Variants in HDGFL3 observed in about 807,000 individuals in gnomAD.
HDGFL3 encodes HDGF like 3.
A neutral mutation model predicts 27.6 loss-of-function variants in HDGFL3; 6 were observed. The ratio of observed to expected loss-of-function variants is 0.22; its 90% CI spans 0.12 to 0.43. The LOEUF (loss-of-function observed/expected upper bound fraction) is 0.43. Among genes scored for constraint, HDGFL3 ranks in the 20% least tolerant of loss-of-function variants. HDGFL3 has a pLI of 1.00. For missense variants in HDGFL3, 207 were observed against 250.1 expected (o/e 0.83, Z 1.16); for synonymous variants, 88 against 88.9 (o/e 0.99, Z 0.05).
At position 83,131,085 on chromosome 15, in the gene HDGFL3, C is replaced by T. The variant is rs2036200685; in HGVS notation, c.*8185G>A. On this transcript the variant is annotated 3_prime_UTR_variant, in exon 6 of 6. Transcript: ENST00000299633. ...CCAGCCCAGGTGACAGAGAGAGACC[C>T]TGTCTCTCCCACCACCACAAAAAAA... 6.6e-6 allele frequency: 1 copy of T among 151,680 alleles called. No homozygotes were observed. Among genetic ancestry groups the T allele is most frequent in the Non-Finnish European group, 1.5e-5 (1 of 67,872 alleles). The allele number at this position is 151,680 out of a possible 1,614,324, so 9.4% of individuals were successfully genotyped here.
At chr15:83,164,378 A>AAAAAAAAAAAAAAAAG (rs2037139266) in intron 1 of HDGFL3, among the ~76,000 whole-genome samples, 1 of 149,460 alleles carries the variant, frequency 6.7e-6, no homozygotes, top group Non-Finnish European at 1.5e-5. Flanking sequence ...AAAAAAAAAA[A>AAAAAAAAAAAAAAAAG]AAAAAAAAAA....
intron 1 of HDGFL3, among the ~76,000 whole-genome samples, chr15:83,181,378 C>G (rs954435938): frequency 6.6e-6 from 1 of 152,176 alleles, no homozygotes; most frequent in Admixed American, 6.5e-5. Context: ...GAGGCGTAGT[C>G]TCTGACAACT....
chr15:83,115,046 G>A (rs1420813105), exon 4 of HDGFL3: 1 of 152,826 alleles, frequency 6.5e-6, no homozygotes. Flanking sequence ...ATGTGGAATA[G>A]GGTAACCACA....
intron 1 of HDGFL3, among the ~76,000 whole-genome samples, chr15:83,169,459 AAAG>A (rs1039851842): frequency 8.0e-5 from 12 of 149,782 alleles, no homozygotes; most frequent in Admixed American, 6.0e-4. Context: ...AAAGAAAAGA[AAAG>A]AAGAAGTCAA....
At chr15:83,144,096 G>T (rs1454018093) in intron 5 of HDGFL3, among the ~76,000 whole-genome samples, 1 of 152,170 alleles carries the variant, frequency 6.6e-6, no homozygotes, top group South Asian at 2.1e-4. Flanking sequence ...CCCACCACTA[G>T]TATCTTTCAC....
chr15:83,174,347 T>C (rs778660002), intron 1 of HDGFL3, among the ~76,000 whole-genome samples: 2 of 152,170 alleles, frequency 1.3e-5, no homozygotes, highest in Non-Finnish European at 2.9e-5. Flanking sequence ...ACCATTCCCA[T>C]TACTAAATTT....
At chr15:83,161,271 G>A (rs1408301016) in intron 2 of HDGFL3, among the ~76,000 whole-genome samples, 2 of 152,178 alleles carry the variant, frequency 1.3e-5, no homozygotes, top group African/African-American at 4.8e-5. Context: ...CCAGGCTCAA[G>A]TGATCCTCCC....
chr15:83,190,731 A>G (rs1435324803), intron 1 of HDGFL3, among the ~76,000 whole-genome samples: 1 of 151,984 alleles, frequency 6.6e-6, no homozygotes, highest in Non-Finnish European at 1.5e-5. Flanking sequence ...TTTCAATTTC[A>G]TTATAGAGTT....
chr15:83,159,038 G>A (rs7165961), intron 2 of HDGFL3, among the ~76,000 whole-genome samples: 1,685 of 152,048 alleles, frequency 0.011, 29 homozygotes, highest in African/African-American at 0.039. Context: ...ACGGGGTTTC[G>A]CCACATTGGT....
rs1431911299 is a variant in HDGFL3 at position 83,138,560 on chromosome 15, T to A, written c.*710A>T. Reference sequence around the variant, plus strand: ...TAAAATGTAAAGTATCCACCTTGAGTGCTTAGCTCAAAATTGTATTGGCAC... The same window carrying A: ...TAAAATGTAAAGTATCCACCTTGAGAGCTTAGCTCAAAATTGTATTGGCAC... On this transcript the variant is annotated 3_prime_UTR_variant, in exon 6 of 6. Transcript: ENST00000299633. The A allele has an allele frequency of 6.6e-6, 1 of 152,626 alleles. No individual in the cohort carries two copies. The highest frequency in any genetic ancestry group is 1.9e-4 in the East Asian group (1 of 5,204). 9.5% of individuals were successfully genotyped at this position (152,626 alleles called of 1,614,324 possible).
At chr15:83,182,261 G>A (rs1300716453) in intron 1 of HDGFL3, among the ~76,000 whole-genome samples, 1 of 151,628 alleles carries the variant, frequency 6.6e-6, no homozygotes, top group Non-Finnish European at 1.5e-5. Context: ...AGTCATTTTA[G>A]TAGGCATGAA....
chr15:83,173,419 G>A (rs2037270510), intron 1 of HDGFL3, among the ~76,000 whole-genome samples: 1 of 152,156 alleles, frequency 6.6e-6, no homozygotes, highest in African/African-American at 2.4e-5. Flanking sequence ...GGTAGCTTAG[G>A]TGTATTAAAA....
At chr15:83,151,144 C>T (rs2036958819) in intron 5 of HDGFL3, 71 bp downstream of exon 5, 1 of 1,385,044 alleles carries the variant, frequency 7.2e-7, no homozygotes, top group African/African-American at 1.4e-5. Context: ...CTAATGCTGA[C>T]ATATGGATGC....
Position 83,131,079 on chromosome 15 carries a change from G to C in HDGFL3, c.*8191C>G, listed in dbSNP as rs1291590517. 6.6e-6 allele frequency: 1 copy of C among 151,986 alleles called. No individual in the cohort carries two copies. Among genetic ancestry groups the C allele is most frequent in the East Asian group, 1.9e-4 (1 of 5,164 alleles). The allele number at this position is 151,986 out of a possible 1,614,324, so 9.4% of individuals were successfully genotyped here. A position where few individuals can be genotyped will look rare whatever the true frequency, so the allele number is the denominator to read the frequency against. On this transcript the variant is annotated 3_prime_UTR_variant, in exon 6 of 6. Coordinates refer to ENST00000299633, the MANE Select transcript of HDGFL3 (RefSeq NM_016073.4). ...CACTCTCCAGCCCAGGTGACAGAGA[G>C]AGACCCTGTCTCTCCCACCACCACA...
intron 4 of HDGFL3, among the ~76,000 whole-genome samples, chr15:83,155,967 C>A (rs1232858000): frequency 6.6e-6 from 1 of 152,070 alleles, no homozygotes; most frequent in East Asian, 1.9e-4. Flanking sequence ...TATGAAAAAA[C>A]CTAGACTTTC....
chr15:83,164,135 G>A (rs1239886608), intron 1 of HDGFL3, 60 bp from the exon 2 acceptor site: 5 of 1,004,560 alleles, frequency 5.0e-6, no homozygotes, highest in Non-Finnish European at 7.3e-6. Flanking sequence ...TGTGAGCATT[G>A]TTCTGATAAT....
chr15:83,127,549 C>A, downstream of HDGFL3: 1 of 1,558,688 alleles, frequency 6.4e-7, no homozygotes, highest in Non-Finnish European at 8.8e-7. Flanking sequence ...TGAAAAACTT[C>A]TCTGCTCAGT....
At position 83,207,490 on chromosome 15, in the gene HDGFL3, A is replaced by C; in HGVS notation, c.-76T>G. Reference sequence around the variant, plus strand: ...AGGCCGCCCCCCCGCGGGCCGACGAATTGCGCCGCGCTCCCCGCGGGCCTC... The same window carrying C: ...AGGCCGCCCCCCCGCGGGCCGACGACTTGCGCCGCGCTCCCCGCGGGCCTC... On this transcript the variant is annotated 5_prime_UTR_variant, in exon 1 of 6. Coordinates refer to ENST00000299633, the MANE Select transcript of HDGFL3 (RefSeq NM_016073.4). This position sits in a 1 kb window ranked among gnomAD's most constrained non-coding sequence, Gnocchi z 4.8. The C allele has an allele frequency of 9.0e-7, 1 of 1,105,228 alleles. No homozygotes were observed. The highest frequency in any genetic ancestry group is 1.6e-5 in the African/African-American group (1 of 61,266). 68.5% of individuals were successfully genotyped at this position (1,105,228 alleles called of 1,614,324 possible). A position where few individuals can be genotyped will look rare whatever the true frequency, so the allele number is the denominator to read the frequency against.
chr15:83,206,496 T>C (rs1388383605), intron 1 of HDGFL3, among the ~76,000 whole-genome samples: 1 of 152,214 alleles, frequency 6.6e-6, no homozygotes, highest in Non-Finnish European at 1.5e-5. Flanking sequence ...TAATAAAAAT[T>C]GTGAATGCTA....
Sources: allele counts gnomAD v4.1 joint callset (sites outside exome capture counted in the v4.1 genomes callset), GRCh38; gene constraint gnomAD v4.1.1; non-coding constraint Gnocchi (gnomAD v3.1); transcripts MANE v1.5; gene names NCBI Gene and HGNC (gene_info 2026-07-23, HGNC 2026-07-21).